Variants in CSMD1 observed in about 807,000 individuals in gnomAD.
CSMD1 encodes the protein CUB and Sushi multiple domains 1.
In CSMD1, 213 loss-of-function variants were observed where a neutral mutation model predicts 417.5. That is an observed-to-expected ratio of 0.51 (90% confidence interval 0.46 to 0.57). The LOEUF (loss-of-function observed/expected upper bound fraction) is 0.57. Among genes scored for constraint, CSMD1 ranks in the 20% least tolerant of loss-of-function variants. CSMD1 has a pLI of 0.00. For synonymous variants in CSMD1, 2,862 were observed against 1,736.8 expected, an observed-to-expected ratio of 1.65 and a Z score of -16.11; for missense variants, 6,923 against 4,529.7, an observed-to-expected ratio of 1.53 and a Z score of -15.17.
At chr8:4,576,582 G>T (rs144919809) in intron 2 of CSMD1, among the ~76,000 whole-genome samples, 33 of 152,096 alleles carry the variant, frequency 2.2e-4, no homozygotes, top group African/African-American at 7.7e-4. Context: ...TGTGGCGTTG[G>T]GTTATTGTCC....
chr8:3,777,422 C>G (rs538251186), intron 5 of CSMD1, among the ~76,000 whole-genome samples: 1 of 152,138 alleles, frequency 6.6e-6, no homozygotes, highest in Non-Finnish European at 1.5e-5. Context: ...CCTGGGGCAT[C>G]CTGTCAGGCC....
At chr8:4,908,712 A>G (rs1345593580) in intron 1 of CSMD1, among the ~76,000 whole-genome samples, 1 of 116,322 alleles carries the variant, frequency 8.6e-6, no homozygotes, top group Admixed American at 9.7e-5. Flanking sequence ...GGTATTCTTC[A>G]TTTCTGTCAC....
intron 3 of CSMD1, among the ~76,000 whole-genome samples, chr8:4,356,513 G>A (rs1306231299): frequency 6.6e-6 from 1 of 152,118 alleles, no homozygotes; most frequent in African/African-American, 2.4e-5. Context: ...TGGATCAAAT[G>A]TTGTTCTTTT....
chr8:3,456,202 C>T (rs902886574), intron 12 of CSMD1, among the ~76,000 whole-genome samples: 25 of 152,156 alleles, frequency 1.6e-4, no homozygotes, highest in African/African-American at 5.6e-4. Flanking sequence ...TTCCAGGTGC[C>T]GTCTGTCACC....
At chr8:4,312,697 C>T (rs1017908765) in intron 3 of CSMD1, among the ~76,000 whole-genome samples, 12 of 151,858 alleles carry the variant, frequency 7.9e-5, no homozygotes, top group African/African-American at 2.4e-4. Flanking sequence ...GCCAACCTGA[C>T]GAAACCCCAT....
chr8:4,855,889 G>T (rs1217395284), intron 1 of CSMD1, among the ~76,000 whole-genome samples: 1 of 149,782 alleles, frequency 6.7e-6, no homozygotes, highest in Admixed American at 6.7e-5. Flanking sequence ...GCAGGCCAAC[G>T]TTCAGATTCA....
At chr8:3,730,409 A>G (rs1044412439) in intron 6 of CSMD1, among the ~76,000 whole-genome samples, 11 of 139,250 alleles carry the variant, frequency 7.9e-5, no homozygotes, top group African/African-American at 2.7e-4. Flanking sequence ...ATCACCACTG[A>G]GCTGGGATAG....
At chr8:3,527,516 G>A (rs1038402699) in intron 10 of CSMD1, among the ~76,000 whole-genome samples, 3 of 152,132 alleles carry the variant, frequency 2.0e-5, no homozygotes, top group Non-Finnish European at 4.4e-5. Context: ...TGGTGAGGGA[G>A]CTGGGTGGTA....
At chr8:4,609,425 G>C (rs149542718) in intron 2 of CSMD1, among the ~76,000 whole-genome samples, 1 of 152,176 alleles carries the variant, frequency 6.6e-6, no homozygotes, top group East Asian at 1.9e-4. Flanking sequence ...GATGAAAGCT[G>C]ATGATCTAAA....
intron 1 of CSMD1, among the ~76,000 whole-genome samples, chr8:4,686,108 T>C (rs1468603788): frequency 6.6e-6 from 1 of 152,158 alleles, no homozygotes; most frequent in Non-Finnish European, 1.5e-5. Context: ...TTACAGAAGC[T>C]GTGTCAGAAA....
At chr8:3,371,440 T>A (rs1809939746) in intron 18 of CSMD1, among the ~76,000 whole-genome samples, 1 of 151,564 alleles carries the variant, frequency 6.6e-6, no homozygotes, top group African/African-American at 2.4e-5. Flanking sequence ...CATCACTCAG[T>A]GTCACAATTT....
chr8:3,699,698 T>A (rs1159837189), intron 7 of CSMD1, among the ~76,000 whole-genome samples: 4 of 152,226 alleles, frequency 2.6e-5, no homozygotes, highest in Non-Finnish European at 5.9e-5. Flanking sequence ...AGACTATAAT[T>A]TCCCCTGGAG....
At chr8:4,787,558 G>T (rs893783256) in intron 1 of CSMD1, 1 of 1,447,934 alleles carries the variant, frequency 6.9e-7, no homozygotes, top group Non-Finnish European at 9.7e-7. Context: ...GAAAATGTGG[G>T]GAGACAGCTT....
At chr8:3,022,425 CGT>C (rs1475580527) in intron 51 of CSMD1, among the ~76,000 whole-genome samples, 2 of 152,222 alleles carry the variant, frequency 1.3e-5, no homozygotes, top group Non-Finnish European at 1.5e-5. Context: ...ACATCGACAG[CGT>C]GTTTTCTCAC....
At chr8:3,874,273 G>A (rs1475497230) in intron 5 of CSMD1, among the ~76,000 whole-genome samples, 2 of 152,154 alleles carry the variant, frequency 1.3e-5, no homozygotes, top group African/African-American at 2.4e-5. Context: ...GAATGCTCAA[G>A]GTCCCTGTGT....
At chr8:4,455,841 T>G (rs1358677551) in intron 2 of CSMD1, among the ~76,000 whole-genome samples, 6 of 139,872 alleles carry the variant, frequency 4.3e-5, no homozygotes, top group Non-Finnish European at 7.5e-5. Flanking sequence ...TGAGGCAAGA[T>G]AACTGCTTGA....
chr8:4,193,024 T>G (rs1053442403), intron 3 of CSMD1, among the ~76,000 whole-genome samples: 2 of 152,232 alleles, frequency 1.3e-5, no homozygotes, highest in African/African-American at 4.8e-5. Flanking sequence ...GGAACTGATC[T>G]TGGAATATCT....
In CSMD1 at chr8:3,295,036, C is replaced by G. The variant is rs185654451; in HGVS notation, c.3951-10690G>C. Among the ~76,000 whole-genome samples, 213 of 152,288 alleles carry G rather than the reference C, an allele frequency of 1.4e-3. 1 individual carries two copies. Among genetic ancestry groups the G allele is most frequent in the African/African-American group, 4.7e-3 (196 of 41,572 alleles). ...TTGTATTCCTAAACAATATATTGTACTACTCTGTGTGTTTAAGAGTAGTTA... is the reference window on the plus strand; with the variant it reads ...TTGTATTCCTAAACAATATATTGTAGTACTCTGTGTGTTTAAGAGTAGTTA... On this transcript the variant is annotated intron_variant, in intron 25 of 69. Coordinates refer to ENST00000635120, the MANE Select transcript of CSMD1 (RefSeq NM_033225.6).
At chr8:4,348,343 C>G (rs754167950) in intron 3 of CSMD1, among the ~76,000 whole-genome samples, 9 of 152,012 alleles carry the variant, frequency 5.9e-5, no homozygotes, top group Non-Finnish European at 1.3e-4. Context: ...GCAGCGAAGT[C>G]ATGGAATCCA....
Sources: allele counts gnomAD v4.1 joint callset (sites outside exome capture counted in the v4.1 genomes callset), GRCh38; gene constraint gnomAD v4.1.1; transcripts MANE v1.5; gene names NCBI Gene and HGNC (gene_info 2026-07-23, HGNC 2026-07-21).